Variants in PIK3R1 observed in about 807,000 individuals in gnomAD.
PIK3R1 encodes phosphatidylinositol 3-kinase regulatory subunit alpha.
Under a neutral mutation model 98.0 loss-of-function variants are expected in PIK3R1, and 29 were observed. The observed-to-expected ratio is 0.30, with a 90% CI of 0.22 to 0.40. PIK3R1 has a LOEUF of 0.40. Among genes scored for constraint, PIK3R1 ranks in the 10% least tolerant of loss-of-function variants. PIK3R1 has a pLI of 1.00. For missense variants in PIK3R1, 596 were observed against 872.7 expected (o/e 0.68, Z 3.99); for synonymous variants, 282 against 311.8 (o/e 0.90, Z 1.01).
intron 4 of PIK3R1, among the ~76,000 whole-genome samples, chr5:68,275,194 G>A (rs1247708079): frequency 1.3e-5 from 2 of 152,124 alleles, no homozygotes; most frequent in African/African-American, 4.8e-5. Context: ...AGTTGCATGC[G>A]AACAGAGCAT....
chr5:68,283,175 C>A (rs1201644831), intron 7 of PIK3R1, among the ~76,000 whole-genome samples: 1 of 152,188 alleles, frequency 6.6e-6, no homozygotes, highest in African/African-American at 2.4e-5. Flanking sequence ...ACATCTCCAG[C>A]GAATGGCCAT....
intron 14 of PIK3R1, 90 bp downstream of exon 14, chr5:68,295,578 AT>A: frequency 9.3e-7 from 1 of 1,073,754 alleles, no homozygotes; most frequent in Non-Finnish European, 1.4e-6. Context: ...CAAGTGAGGA[AT>A]TTTACTGAGT....
chr5:68,218,320 AT>A (rs1297402463), intron 1 of PIK3R1, among the ~76,000 whole-genome samples: 2 of 152,156 alleles, frequency 1.3e-5, no homozygotes, highest in Non-Finnish European at 2.9e-5. Context: ...ACTAACCCAA[AT>A]TTTGTACTGT....
chr5:68,299,514 A>G lies in PIK3R1; in HGVS notation c.*1913A>G, dbSNP rs1458905628. 1 of 233,200 alleles carries G rather than the reference A, an allele frequency of 4.3e-6. No homozygotes were observed. The highest frequency in any genetic ancestry group is 8.5e-6 in the Non-Finnish European group (1 of 118,050). The allele number at this position is 233,200 out of a possible 1,614,324, so 14.4% of individuals were successfully genotyped here. ...GTCTCTCTTCCTGATTTAGATATGC[A>G]AAAGCTGGTATGTTCAGTAGGAACT... On this transcript the variant is annotated 3_prime_UTR_variant, in exon 16 of 16. Coordinates refer to ENST00000521381, the MANE Select transcript of PIK3R1 (RefSeq NM_181523.3).
At chr5:68,247,545 TA>T (rs1745146425) in intron 2 of PIK3R1, among the ~76,000 whole-genome samples, 1 of 151,454 alleles carries the variant, frequency 6.6e-6, no homozygotes. Context: ...CCTAAAGGGC[TA>T]AAATTATAGG....
chr5:68,266,542 A>G (rs545538430), intron 2 of PIK3R1, among the ~76,000 whole-genome samples: 2 of 152,362 alleles, frequency 1.3e-5, no homozygotes, highest in South Asian at 2.1e-4. Flanking sequence ...CTTGAGCATA[A>G]TCAGAAAGTA....
chr5:68,289,066 A>G (rs1747237137), intron 7 of PIK3R1, among the ~76,000 whole-genome samples: 1 of 152,188 alleles, frequency 6.6e-6, no homozygotes, highest in Non-Finnish European at 1.5e-5. Context: ...AGTTTGCCAC[A>G]GAAGATCCAA....
chr5:68,280,956 T>C lies in PIK3R1; in HGVS notation c.866T>C (p.Val289Ala), dbSNP rs1252101761. The stretch of plus-strand genomic sequence containing the variant: ...GATAATACTGAAAACCTCATAAAAG[T>C]TATAGAAATTTTAATCTCAACTGAA... ...SSDNTENLIKVIEILISTEWN... is the reference protein window; with the variant it reads ...SSDNTENLIKAIEILISTEWN... Residue 289 changes from valine to alanine, a missense_variant, in exon 7 of 16, where the codon GTT (valine) becomes GCT (alanine). Val to Ala is a moderately conservative substitution (Grantham distance 64, BLOSUM62 0). Transcript: ENST00000521381. 6.2e-7 allele frequency: 1 copy of C among 1,605,066 alleles called. No homozygotes were observed. Among genetic ancestry groups the C allele is most frequent in the Admixed American group, 1.7e-5 (1 of 58,850 alleles).
chr5:68,249,554 T>C (rs1213842552), intron 2 of PIK3R1, among the ~76,000 whole-genome samples: 2 of 152,228 alleles, frequency 1.3e-5, no homozygotes, highest in Non-Finnish European at 2.9e-5. Flanking sequence ...AACATCATAT[T>C]GGGCATTGGA....
At position 68,293,307 on chromosome 5, in the gene PIK3R1, G is replaced by C. The variant is rs2112256718; in HGVS notation, c.1123G>C (p.Gly375Arg). ...HGDYTLTLRK[G>R]GNNKLIKIFH... ...ATTTTTATATTGTTTTTACAGGAAAGGGGGAAATAACAAATTAATCAAAAT... is the reference window on the plus strand; with the variant it reads ...ATTTTTATATTGTTTTTACAGGAAACGGGGAAATAACAAATTAATCAAAAT... The change falls in exon 10 of 16, where the codon GGG (glycine) becomes CGG (arginine). Residue 375 changes from glycine to arginine, a missense_variant. Physicochemically the swap from Gly to Arg is moderately radical, Grantham distance 125. Around this residue, in one of 3 missense-constraint regions of PIK3R1, gnomAD observed 37 missense variants for 118.0 expected, o/e 0.31. Transcript: ENST00000521381. 6.2e-7 allele frequency: 1 copy of C among 1,609,602 alleles called. No individual in the cohort carries two copies. The highest frequency in any genetic ancestry group is 8.5e-7 in the Non-Finnish European group (1 of 1,176,668).
At chr5:68,293,275 T>C in intron 9 of PIK3R1, 28 bp from the exon 10 acceptor site, 1 of 1,598,832 alleles carries the variant, frequency 6.3e-7, no homozygotes, top group Non-Finnish European at 8.6e-7. Flanking sequence ...AAAATGTTAA[T>C]ACCTTTATTT....
rs185694181 is a variant in PIK3R1, at chr5:68,292,430, G to C, written c.1019+69G>C. On this transcript the variant is annotated intron_variant, in intron 8 of 15. Coordinates refer to ENST00000521381, the MANE Select transcript of PIK3R1 (RefSeq NM_181523.3). The stretch of plus-strand genomic sequence containing the variant: ...AGAAAGAAAAGCACCAGCTTGCTAA[G>C]TTCCATTTTTAGGATATCATCCAAC... The C allele has an allele frequency of 4.0e-5, 60 of 1,485,658 alleles. No homozygotes were observed. The African/African-American group carries it at 7.6e-4, about 19-fold the overall frequency. 92.0% of individuals were successfully genotyped at this position (1,485,658 alleles called of 1,614,324 possible). A position where few individuals can be genotyped will look rare whatever the true frequency, so the allele number is the denominator to read the frequency against.
chr5:68,267,911 T>G (rs1715003386), intron 2 of PIK3R1, among the ~76,000 whole-genome samples: 1 of 152,152 alleles, frequency 6.6e-6, no homozygotes, highest in Admixed American at 6.6e-5. Context: ...CTTGCTTCCT[T>G]AGAAAAGTAT....
rs572173047 is a variant in PIK3R1 at position 68,262,869 on chromosome 5, A to G, written c.335-10521A>G. Among the ~76,000 whole-genome samples the G allele has an allele frequency of 1.5e-4, 14 of 95,670 alleles. 1 individual carries two copies. The highest frequency in any genetic ancestry group is 2.0e-4 in the Non-Finnish European group (9 of 45,028). 62.8% of individuals were successfully genotyped at this position (95,670 alleles called of 152,430 possible). ...TAGATACATGTAGATACATGTATACATGTAGATACATGTAGATACATGTAT... is the reference window on the plus strand; with the variant it reads ...TAGATACATGTAGATACATGTATACGTGTAGATACATGTAGATACATGTAT... On this transcript the variant is annotated intron_variant, in intron 2 of 15. Coordinates refer to ENST00000521381, the MANE Select transcript of PIK3R1 (RefSeq NM_181523.3).
chr5:68,284,754 G>A (rs1391544042), intron 7 of PIK3R1, among the ~76,000 whole-genome samples: 1 of 152,158 alleles, frequency 6.6e-6, no homozygotes, highest in African/African-American at 2.4e-5. Flanking sequence ...AGAGAACTAG[G>A]TACAGCATAA....
chr5:68,264,267 T>C (rs1012570475), intron 2 of PIK3R1, among the ~76,000 whole-genome samples: 1 of 152,218 alleles, frequency 6.6e-6, no homozygotes, highest in African/African-American at 2.4e-5. Flanking sequence ...AATGCACCTC[T>C]TGTCACTAAG....
Position 68,273,946 on chromosome 5 carries a change from A to C in PIK3R1, c.435A>C (p.Glu145Asp). ...LVEAIEKKGL[E>D]CSTLYRTQSS... Reference sequence around the variant, plus strand: ...GTCTGTTTTGTGTCCTAGGTCTGGAATGTTCAACTCTATACAGAACACAGA... The same window carrying C: ...GTCTGTTTTGTGTCCTAGGTCTGGACTGTTCAACTCTATACAGAACACAGA... Residue 145 changes from glutamate (E) to aspartate (D), a missense_variant, in exon 4 of 16, where the codon GAA becomes GAC. Physicochemically the swap from Glu to Asp is conservative, Grantham distance 45. Around this residue, in one of 3 missense-constraint regions of PIK3R1, gnomAD observed 352 missense variants for 393.3 expected, o/e 0.90. Transcript: ENST00000521381. The C allele has an allele frequency of 1.2e-6, 2 of 1,613,634 alleles. No homozygotes were observed. The highest frequency in any genetic ancestry group is 1.1e-5 in the South Asian group (1 of 91,080).
intron 7 of PIK3R1, among the ~76,000 whole-genome samples, chr5:68,282,190 C>T (rs1276716002): frequency 6.6e-6 from 1 of 152,072 alleles, no homozygotes; most frequent in Admixed American, 6.6e-5. Flanking sequence ...AGAAGACTGT[C>T]AACAGGTAGG....
At position 68,296,232 on chromosome 5, in the gene PIK3R1, G is replaced by A. The variant is rs377497441; in HGVS notation, c.1876G>A (p.Val626Ile). ...LPHHDEKTWN[V>I]GSSNRNKAEN... ...CCATCATGATGAGAAGACATGGAAT[G>A]TTGGAAGCAGCAACCGAAACAAAGC... The change falls in exon 15 of 16, where the codon GTT becomes ATT. Residue 626 changes from valine to isoleucine, a missense_variant. This residue lies in a region of PIK3R1 where 207 missense variants were observed against 361.4 expected (regional missense o/e 0.57). Transcript: ENST00000521381. 8.1e-6 allele frequency: 13 copies of A among 1,614,104 alleles called. No homozygotes were observed. Among genetic ancestry groups the A allele is most frequent in the Non-Finnish European group, 9.3e-6 (11 of 1,180,046 alleles).
Sources: gnomAD v4.1 joint callset for allele counts (sites outside exome capture counted in the v4.1 genomes callset) on GRCh38, gnomAD v4.1.1 for gene constraint, gnomAD v4.1.1 regional missense constraint, MANE v1.5 for transcripts, NCBI Gene and HGNC (gene_info 2026-07-23, HGNC 2026-07-21) for gene names.